SEC14L1: variants seen among roughly 807,000 people sequenced by gnomAD.
SEC14L1 encodes SEC14 like lipid binding 1, also known as SEC14-like protein 1.
In SEC14L1, 48 loss-of-function variants were observed where a neutral mutation model predicts 85.3. That is an observed-to-expected ratio of 0.56 (90% CI 0.45 to 0.72). SEC14L1 has a LOEUF of 0.72. SEC14L1 is among the 30% of genes least tolerant of loss of function. SEC14L1 has a pLI of 0.00. For synonymous variants in SEC14L1, 391 were observed against 355.5 expected, an observed-to-expected ratio of 1.10 and a Z score of -1.12; for missense variants, 682 against 921.4, an observed-to-expected ratio of 0.74 and a Z score of 3.36.
At chr17:77,102,046 G>A (rs1309156671) in intron 3 of SEC14L1, among the ~76,000 whole-genome samples, 1 of 152,114 alleles carries the variant, frequency 6.6e-6, no homozygotes, top group Non-Finnish European at 1.5e-5. Context: ...TCATCTGTTG[G>A]GGAAATATAA....
rs1482582382 is a variant in SEC14L1, at chr17:77,214,757, C to T, written c.*734C>T. 1 of 985,354 alleles carries T rather than the reference C, an allele frequency of 1.0e-6. No homozygotes were observed. Among genetic ancestry groups the T allele is most frequent in the African/African-American group, 1.7e-5 (1 of 57,228 alleles). The allele number at this position is 985,354 out of a possible 1,614,324, so 61.0% of individuals were successfully genotyped here. A position where few individuals can be genotyped will look rare whatever the true frequency, so the allele number is the denominator to read the frequency against. ...TGATACTTTTTAGAGCAGGATTTTT[C>T]TGTATGTGAACTTGGGTGGGGGGGT... On this transcript the variant is annotated 3_prime_UTR_variant, in exon 17 of 17. Coordinates refer to ENST00000436233, the MANE Select transcript of SEC14L1 (RefSeq NM_001143998.2).
chr17:77,138,801 G>A (rs552572178), upstream of SEC14L1, among the ~76,000 whole-genome samples: 2 of 152,210 alleles, frequency 1.3e-5, no homozygotes, highest in African/African-American at 4.8e-5. Flanking sequence ...TCAAGCCTGG[G>A]GAACAGAGTG....
At chr17:77,121,809 A>G (rs1334104433) in intron 3 of SEC14L1, among the ~76,000 whole-genome samples, 1 of 152,198 alleles carries the variant, frequency 6.6e-6, no homozygotes, top group Non-Finnish European at 1.5e-5. Context: ...TTTGTGCTCA[A>G]AGCCTAGGCT....
intron 6 of SEC14L1, among the ~76,000 whole-genome samples, chr17:77,193,821 T>C (rs569976239): frequency 6.6e-6 from 1 of 152,218 alleles, no homozygotes; most frequent in Non-Finnish European, 1.5e-5. Context: ...CAGCAGCAGC[T>C]GGCACACAGC....
intron 9 of SEC14L1, among the ~76,000 whole-genome samples, chr17:77,201,383 TTGTC>T (rs1315922271): frequency 1.3e-5 from 2 of 152,182 alleles, no homozygotes; most frequent in East Asian, 1.9e-4. Context: ...CAGCTCAGCT[TTGTC>T]TGTGATTATG....
chr17:77,097,258 C>G (rs1355030649), intron 3 of SEC14L1, among the ~76,000 whole-genome samples: 4 of 152,178 alleles, frequency 2.6e-5, no homozygotes, highest in Non-Finnish European at 5.9e-5. Context: ...TTGCACAAAG[C>G]CAGCACAGTT....
intron 3 of SEC14L1, among the ~76,000 whole-genome samples, chr17:77,153,884 T>G (rs1280326494): frequency 6.6e-6 from 1 of 152,226 alleles, no homozygotes; most frequent in Non-Finnish European, 1.5e-5. Flanking sequence ...TGTACGCTAG[T>G]GAAGCAGACA....
At chr17:77,197,874 G>A (rs1260836979) in intron 8 of SEC14L1, among the ~76,000 whole-genome samples, 1 of 152,218 alleles carries the variant, frequency 6.6e-6, no homozygotes, top group Non-Finnish European at 1.5e-5. Context: ...CCAAAGGGCT[G>A]GGATTACAGG....
At chr17:77,112,367 G>A (rs1289878940) in intron 3 of SEC14L1, among the ~76,000 whole-genome samples, 2 of 151,984 alleles carry the variant, frequency 1.3e-5, no homozygotes, top group Non-Finnish European at 2.9e-5. Context: ...AAAAAGTTAA[G>A]AATTATAATT....
Position 77,216,158 on chromosome 17 carries a change from G to C in SEC14L1, c.*2135G>C. ...GCTAGTAGGTAGGGTTCGTAGGTAG[G>C]GTTCGTAGGTAGGGCTAGTAGGTAG... is the stretch of plus-strand genomic sequence containing the variant. On this transcript the variant is annotated 3_prime_UTR_variant, in exon 17 of 17. Transcript: ENST00000436233. 1.0e-6 allele frequency: 1 copy of C among 977,452 alleles called. No individual in the cohort carries two copies. Among genetic ancestry groups the C allele is most frequent in the Non-Finnish European group, 1.2e-6 (1 of 818,340 alleles). The allele number at this position is 977,452 out of a possible 1,614,324, so 60.5% of individuals were successfully genotyped here.
At chr17:77,182,968 G>A (rs376333003) in intron 3 of SEC14L1, among the ~76,000 whole-genome samples, 4 of 152,386 alleles carry the variant, frequency 2.6e-5, no homozygotes, top group East Asian at 3.9e-4. Flanking sequence ...CCCAGGAGAA[G>A]GCCCCGTCCC....
At chr17:77,211,659 C>T (rs1227468602) in intron 14 of SEC14L1, 2 of 434,982 alleles carry the variant, frequency 4.6e-6, no homozygotes, top group Non-Finnish European at 8.5e-6. Context: ...TTTGGTGTTT[C>T]TAAGACCTGG....
chr17:77,188,580 A>G (rs1975378466), intron 3 of SEC14L1, among the ~76,000 whole-genome samples: 1 of 152,102 alleles, frequency 6.6e-6, no homozygotes, highest in Non-Finnish European at 1.5e-5. Context: ...TCCAGTTTCT[A>G]TTATGAGTAA....
intron 13 of SEC14L1, among the ~76,000 whole-genome samples, chr17:77,208,953 A>G (rs1182322193): frequency 1.3e-5 from 2 of 152,212 alleles, no homozygotes; most frequent in Admixed American, 6.5e-5. Flanking sequence ...ATAATTCCCT[A>G]TCATAAAAAT....
intron 13 of SEC14L1, 150 bp downstream of exon 13, chr17:77,207,012 G>A: frequency 1.3e-6 from 1 of 743,792 alleles, no homozygotes; most frequent in Non-Finnish European, 2.1e-6. Context: ...CTCTGATCCA[G>A]GGTTAAGCTA....
intron 3 of SEC14L1, among the ~76,000 whole-genome samples, chr17:77,122,459 A>G (rs1444603439): frequency 6.6e-6 from 1 of 151,844 alleles, no homozygotes; most frequent in Non-Finnish European, 1.5e-5. Flanking sequence ...ACACCACCAC[A>G]TCCAGCTACT....
intron 3 of SEC14L1, among the ~76,000 whole-genome samples, chr17:77,147,775 G>T (rs1363422230): frequency 6.6e-6 from 1 of 152,210 alleles, no homozygotes; most frequent in Non-Finnish European, 1.5e-5. Flanking sequence ...CTTCTGGGGG[G>T]ATGGTTGCAG....
chr17:77,169,212 C>A (rs1223580745), intron 3 of SEC14L1, among the ~76,000 whole-genome samples: 2 of 151,976 alleles, frequency 1.3e-5, no homozygotes, highest in Non-Finnish European at 2.9e-5. Flanking sequence ...CTTGGGAAGG[C>A]TTGGTTTGAC....
chr17:77,188,485 C>CT (rs1025076533), intron 3 of SEC14L1, among the ~76,000 whole-genome samples: 12 of 148,808 alleles, frequency 8.1e-5, no homozygotes, highest in East Asian at 2.0e-4. Context: ...ATAGTTCATT[C>CT]TTTTTTTTTG....
Sources: gnomAD v4.1 joint callset for allele counts (sites outside exome capture counted in the v4.1 genomes callset) on GRCh38, gnomAD v4.1.1 for gene constraint, MANE v1.5 for transcripts, NCBI Gene and HGNC (gene_info 2026-07-23, HGNC 2026-07-21) for gene names.